The following PIAS2 variants were observed in gnomAD, a reference collection of about 807,000 sequenced individuals.
The protein encoded by PIAS2 is protein inhibitor of activated STAT 2.
PIAS2 carries 19 observed loss-of-function variants against 69.7 expected under a neutral mutation model. The observed-to-expected ratio is 0.27, with a 90% CI of 0.19 to 0.40. The LOEUF is 0.40. Among genes scored for constraint, PIAS2 ranks in the 10% least tolerant of loss-of-function variants. PIAS2 has a pLI of 1.00. For synonymous variants in PIAS2, 261 were observed against 263.2 expected, an observed-to-expected ratio of 0.99 and a Z score of 0.08; for missense variants, 624 against 757.0, an observed-to-expected ratio of 0.82 and a Z score of 2.06.
intron 6 of PIAS2, 187 bp downstream of exon 6, chr18:46,846,520 A>G (rs2145268020): frequency 2.3e-6 from 1 of 438,914 alleles, no homozygotes; most frequent in Middle Eastern, 5.9e-4. Flanking sequence ...GATATTCAGG[A>G]AAGCTCAGAG....
At position 46,883,631 on chromosome 18, in the gene PIAS2, G is replaced by A. The variant is rs569813255; in HGVS notation, c.499+6949C>T. On this transcript the variant is annotated intron_variant, in intron 2 of 13. Transcript: ENST00000585916. ...AGGCAGGCAGCTCTCTTGACCCCAG[G>A]AGTTCAAGACCAGCCTGGGCAACAT... is the stretch of plus-strand genomic sequence containing the variant. Among the ~76,000 whole-genome samples, 14 of 152,146 alleles carry A rather than the reference G, an allele frequency of 9.2e-5. No homozygotes were observed. In the South Asian group the frequency reaches 2.9e-3, roughly 32 times the overall value.
At chr18:46,856,880 G>A (rs1286829519) in intron 3 of PIAS2, among the ~76,000 whole-genome samples, 1 of 152,152 alleles carries the variant, frequency 6.6e-6, no homozygotes, top group African/African-American at 2.4e-5. Context: ...CCACTGGAAG[G>A]CAGTAAAGCA....
At chr18:46,904,579 C>T (rs1219102447) in intron 1 of PIAS2, among the ~76,000 whole-genome samples, 1 of 151,974 alleles carries the variant, frequency 6.6e-6, no homozygotes, top group African/African-American at 2.4e-5. Flanking sequence ...GGTGAAACAC[C>T]ATCTCTACTA....
chr18:46,877,155 A>G (rs1051113201), intron 2 of PIAS2, among the ~76,000 whole-genome samples: 8 of 152,192 alleles, frequency 5.3e-5, no homozygotes, highest in African/African-American at 1.9e-4. Context: ...TTATTGAAAC[A>G]GCTCTTATTA....
chr18:46,919,991 C>T, upstream of PIAS2: 1 of 1,073,054 alleles, frequency 9.3e-7, no homozygotes, highest in Non-Finnish European at 1.3e-6. Flanking sequence ...GGAGCTTACA[C>T]CCATAAAGAG....
intron 2 of PIAS2, among the ~76,000 whole-genome samples, chr18:46,873,355 A>G (rs2050661751): frequency 6.6e-6 from 1 of 152,228 alleles, no homozygotes; most frequent in Non-Finnish European, 1.5e-5. Flanking sequence ...TTAATTGATT[A>G]TCACACAAAG....
At chr18:46,857,017 AG>A (rs1222236067) in intron 3 of PIAS2, among the ~76,000 whole-genome samples, 1 of 152,230 alleles carries the variant, frequency 6.6e-6, no homozygotes, top group Non-Finnish European at 1.5e-5. Flanking sequence ...AACCTCATCA[AG>A]TTGCTGTGAC....
intron 2 of PIAS2, among the ~76,000 whole-genome samples, chr18:46,879,153 T>C (rs2051752110): frequency 6.6e-6 from 1 of 152,234 alleles, no homozygotes; most frequent in South Asian, 2.1e-4. Context: ...CTTCTCCCAC[T>C]GCAATGCTGC....
At chr18:46,859,651 T>G (rs1184053263) in intron 3 of PIAS2, among the ~76,000 whole-genome samples, 1 of 152,138 alleles carries the variant, frequency 6.6e-6, no homozygotes, top group African/African-American at 2.4e-5. Flanking sequence ...GTCTGGTCCA[T>G]AGTAGACAGT....
intron 1 of PIAS2, among the ~76,000 whole-genome samples, chr18:46,895,484 A>G (rs2054707145): frequency 6.6e-6 from 1 of 152,184 alleles, no homozygotes; most frequent in Non-Finnish European, 1.5e-5. Flanking sequence ...CAGCCAGGCC[A>G]AAAAGGCAAA....
chr18:46,890,340 C>T (rs886494678), intron 2 of PIAS2, among the ~76,000 whole-genome samples: 1 of 152,138 alleles, frequency 6.6e-6, no homozygotes, highest in Admixed American at 6.5e-5. Context: ...CAAGATGATA[C>T]ATTTTATATT....
intron 1 of PIAS2, among the ~76,000 whole-genome samples, chr18:46,911,144 C>A (rs2057214475): frequency 6.6e-6 from 1 of 151,822 alleles, no homozygotes; most frequent in Non-Finnish European, 1.5e-5. Flanking sequence ...CATGAGAACC[C>A]ATTATAATAT....
intron 1 of PIAS2, among the ~76,000 whole-genome samples, chr18:46,911,878 C>T (rs1192292712): frequency 2.0e-5 from 3 of 152,150 alleles, no homozygotes; most frequent in African/African-American, 7.2e-5. Context: ...TGGTGAAACC[C>T]TGTCTCTATT....
chr18:46,895,309 G>A (rs1036265357), intron 1 of PIAS2, among the ~76,000 whole-genome samples: 2 of 152,076 alleles, frequency 1.3e-5, no homozygotes, highest in Non-Finnish European at 2.9e-5. Flanking sequence ...AGGAGAAGAC[G>A]AGAAGCTGCT....
intron 7 of PIAS2, among the ~76,000 whole-genome samples, chr18:46,844,442 A>G (rs2045877662): frequency 1.3e-5 from 2 of 152,152 alleles, no homozygotes; most frequent in African/African-American, 2.4e-5. Flanking sequence ...AAGCTTTTCC[A>G]ACACACATTC....
intron 1 of PIAS2, among the ~76,000 whole-genome samples, chr18:46,909,082 G>T (rs758493340): frequency 6.6e-6 from 1 of 152,086 alleles, no homozygotes; most frequent in African/African-American, 2.4e-5. Flanking sequence ...GCATCCAACT[G>T]TGAAACTATT....
intron 1 of PIAS2, among the ~76,000 whole-genome samples, chr18:46,911,366 C>T (rs1245176095): frequency 6.6e-6 from 1 of 152,062 alleles, no homozygotes; most frequent in Non-Finnish European, 1.5e-5. Flanking sequence ...CAGGTGCCCA[C>T]CACCACGTCG....
At position 46,855,407 on chromosome 18, in the gene PIAS2, G is replaced by C; in HGVS notation, c.664C>G (p.Gln222Glu). 1 of 1,612,938 alleles carries C rather than the reference G, an allele frequency of 6.2e-7. No individual in the cohort carries two copies. The highest frequency in any genetic ancestry group is 8.5e-7 in the Non-Finnish European group (1 of 1,179,344). ...RLCLAETSCP[Q>E]EDNYPNSLCI... ...AGACTATTTGGATAGTTATCTTCTT[G>C]AGGGCAACTTGTCTCTGCCAGGCAA... The change falls in exon 5 of 14, where the codon CAA becomes GAA. Residue 222 changes from glutamine (Q) to glutamate (E), a missense_variant. Around this residue, in one of 3 missense-constraint regions of PIAS2, gnomAD observed 339 missense variants for 408.8 expected, o/e 0.83. Transcript: ENST00000585916.
chr18:46,851,069 G>A (rs920572750), intron 5 of PIAS2, among the ~76,000 whole-genome samples: 1 of 152,130 alleles, frequency 6.6e-6, no homozygotes, highest in Non-Finnish European at 1.5e-5. Flanking sequence ...GGGTGAGTGT[G>A]CACACAATTA....
Sources: gnomAD v4.1 joint callset for allele counts (sites outside exome capture counted in the v4.1 genomes callset) on GRCh38, gnomAD v4.1.1 for gene constraint, gnomAD v4.1.1 regional missense constraint, MANE v1.5 for transcripts, NCBI Gene and HGNC (gene_info 2026-07-23, HGNC 2026-07-21) for gene names.